Variants in MB21D2 observed in about 807,000 individuals in gnomAD.
The protein encoded by MB21D2 is Mab-21 domain containing 2, also known as nucleotidyltransferase MB21D2.
In MB21D2, 9 loss-of-function variants were observed where a neutral mutation model predicts 33.3. The ratio of observed to expected loss-of-function variants is 0.27; its 90% CI spans 0.16 to 0.47. MB21D2 has a LOEUF of 0.47. MB21D2 is among the 20% of genes least tolerant of loss of function. The pLI, the probability that MB21D2 is intolerant of heterozygous loss-of-function variation, is 0.99. For missense variants in MB21D2, 540 were observed against 624.6 expected (o/e 0.86, Z 1.44); for synonymous variants, 241 against 236.3 (o/e 1.02, Z -0.18).
intron 1 of MB21D2, among the ~76,000 whole-genome samples, chr3:192,864,588 C>T (rs1713127150): frequency 6.6e-6 from 1 of 152,178 alleles, no homozygotes; most frequent in African/African-American, 2.4e-5. Context: ...CTCACTGCAA[C>T]CTCGGCCTCC....
chr3:192,798,085 A>T lies in MB21D2; in HGVS notation c.*301T>A. 1 of 274,254 alleles carries T rather than the reference A, an allele frequency of 3.6e-6. No individual in the cohort carries two copies. The highest frequency in any genetic ancestry group is 2.2e-5 in the African/African-American group (1 of 45,872). The allele number at this position is 274,254 out of a possible 1,614,324, so 17.0% of individuals were successfully genotyped here. A position where few individuals can be genotyped will look rare whatever the true frequency, so the allele number is the denominator to read the frequency against. On this transcript the variant is annotated 3_prime_UTR_variant, in exon 2 of 2. Coordinates refer to ENST00000392452, the MANE Select transcript of MB21D2 (RefSeq NM_178496.4). This position sits in a 1 kb window ranked among gnomAD's most constrained non-coding sequence, Gnocchi z 4.8. ...CACCAAGTATGAAACAGAAAAAAGC[A>T]AGAGGATTCATGGGCATTTTCATCT... is the stretch of plus-strand genomic sequence containing the variant.
At chr3:192,839,086 G>A (rs987148419) in intron 1 of MB21D2, among the ~76,000 whole-genome samples, 1 of 152,178 alleles carries the variant, frequency 6.6e-6, no homozygotes, top group Non-Finnish European at 1.5e-5. Context: ...TGATGGTGAG[G>A]GGGTGGATTG....
intron 1 of MB21D2, among the ~76,000 whole-genome samples, chr3:192,877,813 T>C (rs932806126): frequency 2.0e-5 from 3 of 152,174 alleles, no homozygotes; most frequent in African/African-American, 7.2e-5. Context: ...TGCAGACTGA[T>C]ATATGTGCTC....
At chr3:192,817,897 C>G (rs892645874) in intron 1 of MB21D2, among the ~76,000 whole-genome samples, 61 of 150,112 alleles carry the variant, frequency 4.1e-4, no homozygotes, top group African/African-American at 1.4e-3. Flanking sequence ...GGCCAATCTC[C>G]ATTTTCGTCC....
At position 192,917,854 on chromosome 3, in the gene MB21D2, A is replaced by T; in HGVS notation, c.-14T>A. On this transcript the variant is annotated 5_prime_UTR_variant, in exon 1 of 2. Transcript: ENST00000392452. ...CGCCATCTTCATGCAAAACGCGCCGAGTAGCAGCTCCGCGGCAGCGCGGCA... is the reference window on the plus strand; with the variant it reads ...CGCCATCTTCATGCAAAACGCGCCGTGTAGCAGCTCCGCGGCAGCGCGGCA... The T allele has an allele frequency of 6.2e-7, 1 of 1,603,990 alleles. No individual in the cohort carries two copies. The highest frequency in any genetic ancestry group is 8.5e-7 in the Non-Finnish European group (1 of 1,175,052).
chr3:192,809,453 T>G (rs1284310238), intron 1 of MB21D2, among the ~76,000 whole-genome samples: 3 of 152,128 alleles, frequency 2.0e-5, no homozygotes, highest in African/African-American at 7.2e-5. Flanking sequence ...ATAAATTGTT[T>G]ATGGCCATGA....
At chr3:192,812,470 T>TG (rs1711810074) in intron 1 of MB21D2, among the ~76,000 whole-genome samples, 1 of 152,184 alleles carries the variant, frequency 6.6e-6, no homozygotes, top group South Asian at 2.1e-4. Flanking sequence ...AGTAAATAGA[T>TG]GGTGGAGCCT....
intron 1 of MB21D2, among the ~76,000 whole-genome samples, chr3:192,846,222 T>C (rs1712678076): frequency 6.6e-6 from 1 of 152,212 alleles, no homozygotes; most frequent in South Asian, 2.1e-4. Context: ...AAAACTTACA[T>C]AGTGTATCTT....
rs568747967 is a variant in MB21D2, at chr3:192,869,673, C to T, written c.211+47957G>A. Among the ~76,000 whole-genome samples, 11 of 152,246 alleles carry T rather than the reference C, an allele frequency of 7.2e-5. No individual in the cohort carries two copies. In the South Asian group the frequency reaches 8.3e-4, roughly 11 times the overall value. The stretch of plus-strand genomic sequence containing the variant: ...TCTGAAAACCCCCCTTTCTCCTCCC[C>T]ATAAAAAGCCACTTGACCTCACCTT... On this transcript the variant is annotated intron_variant, in intron 1 of 1. Coordinates refer to ENST00000392452, the MANE Select transcript of MB21D2 (RefSeq NM_178496.4).
intron 1 of MB21D2, among the ~76,000 whole-genome samples, chr3:192,813,438 G>T (rs1240531761): frequency 6.6e-6 from 1 of 151,878 alleles, no homozygotes; most frequent in Non-Finnish European, 1.5e-5. Context: ...GACTATAAGT[G>T]AATAAATACA....
intron 1 of MB21D2, among the ~76,000 whole-genome samples, chr3:192,827,005 C>T (rs1472594258): frequency 6.6e-6 from 1 of 152,018 alleles, no homozygotes; most frequent in Non-Finnish European, 1.5e-5. Flanking sequence ...CATTCTCCTG[C>T]CTCAGCCTCC....
intron 1 of MB21D2, among the ~76,000 whole-genome samples, chr3:192,818,677 G>T (rs9826763): frequency 6.6e-6 from 1 of 151,730 alleles, no homozygotes. Flanking sequence ...TTATCTTTTC[G>T]TGTTTCTTTT....
intron 1 of MB21D2, among the ~76,000 whole-genome samples, chr3:192,813,770 CA>C (rs1330703000): frequency 6.6e-6 from 1 of 152,112 alleles, no homozygotes; most frequent in Non-Finnish European, 1.5e-5. Flanking sequence ...ATAGAGGGAT[CA>C]TTTTTTTTCC....
At chr3:192,909,524 A>G (rs1714293028) in intron 1 of MB21D2, among the ~76,000 whole-genome samples, 1 of 152,204 alleles carries the variant, frequency 6.6e-6, no homozygotes, top group South Asian at 2.1e-4. Flanking sequence ...ATTTATAATG[A>G]AAGAAAATGC....
intron 1 of MB21D2, among the ~76,000 whole-genome samples, chr3:192,801,589 C>G (rs1711562430): frequency 6.6e-6 from 1 of 152,118 alleles, no homozygotes; most frequent in East Asian, 1.9e-4. Context: ...AAAGAAACCT[C>G]AGAGCGCTTC....
chr3:192,881,585 C>G (rs1713567303), intron 1 of MB21D2, among the ~76,000 whole-genome samples: 1 of 152,156 alleles, frequency 6.6e-6, no homozygotes, highest in Non-Finnish European at 1.5e-5. Flanking sequence ...TACCACAACC[C>G]TTCTGGGGAA....
intron 1 of MB21D2, among the ~76,000 whole-genome samples, chr3:192,906,917 G>A (rs1044127207): frequency 6.6e-6 from 1 of 152,186 alleles, no homozygotes; most frequent in Non-Finnish European, 1.5e-5. Flanking sequence ...AGAGACGAAA[G>A]CCTAAACAAG....
At chr3:192,911,658 T>C (rs1948721) in intron 1 of MB21D2, among the ~76,000 whole-genome samples, 93,189 of 151,920 alleles carry the variant, frequency 0.61, 29,131 homozygotes, top group African/African-American at 0.71. Flanking sequence ...GTGAGCAATG[T>C]ATTATCCAAT....
intron 1 of MB21D2, among the ~76,000 whole-genome samples, chr3:192,839,848 A>G (rs562359631): frequency 1.3e-5 from 2 of 152,340 alleles, no homozygotes; most frequent in South Asian, 2.1e-4. Flanking sequence ...TTCATTCTCA[A>G]TTCTTTTTCA....
Sources: gnomAD v4.1 joint callset for allele counts (sites outside exome capture counted in the v4.1 genomes callset) on GRCh38, gnomAD v4.1.1 for gene constraint, Gnocchi (gnomAD v3.1) non-coding constraint, MANE v1.5 for transcripts, NCBI Gene and HGNC (gene_info 2026-07-23, HGNC 2026-07-21) for gene names.